Variants in MACF1 observed in about 807,000 individuals in gnomAD.
The protein encoded by MACF1 is microtubule actin crosslinking factor 1, also known as microtubule-actin cross-linking factor 1.
Under a neutral mutation model 854.8 loss-of-function variants are expected in MACF1, and 193 were observed. The ratio of observed to expected loss-of-function variants is 0.23; its 90% CI spans 0.20 to 0.25. The LOEUF is 0.25. MACF1 is among the 10% of genes least tolerant of loss of function. MACF1 has a pLI of 1.00. For synonymous variants in MACF1, 3,185 were observed against 3,226.7 expected (o/e 0.99, Z 0.44); for missense variants, 7,722 against 8,929.1 (o/e 0.86, Z 5.45).
intron 58 of MACF1, chr1:39,413,883 A>G: frequency 6.2e-7 from 1 of 1,606,286 alleles, no homozygotes; most frequent in Non-Finnish European, 8.5e-7. Flanking sequence ...CCACCCCTGC[A>G]GCTATGGTGG....
At chr1:39,210,044 T>G (rs1311967091) in intron 1 of MACF1, among the ~76,000 whole-genome samples, 1 of 150,996 alleles carries the variant, frequency 6.6e-6, no homozygotes, top group Non-Finnish European at 1.5e-5. Flanking sequence ...GAGCCAAGAT[T>G]GCACCCCTGC....
At chr1:39,094,643 G>A (rs1641893212) in intron 2 of MACF1, among the ~76,000 whole-genome samples, 1 of 152,026 alleles carries the variant, frequency 6.6e-6, no homozygotes, top group Non-Finnish European at 1.5e-5. Context: ...GCTTGAACCT[G>A]GGAGGCGGAA....
In MACF1 at chr1:39,449,547, C is replaced by T. The variant is rs61779304; in HGVS notation, c.20258+784C>T. Among the ~76,000 whole-genome samples, 20 of 151,880 alleles carry T rather than the reference C, an allele frequency of 1.3e-4. No homozygotes were observed. In the East Asian group the frequency reaches 2.7e-3, roughly 21 times the overall value. On this transcript the variant is annotated intron_variant, in intron 84 of 100. Transcript: ENST00000564288. Reference sequence around the variant, plus strand: ...CCGAGTAGCTGGGACTACAGGCACCCGCCACCACGCCTGGCTAGTTTTTTG... The same window carrying T: ...CCGAGTAGCTGGGACTACAGGCACCTGCCACCACGCCTGGCTAGTTTTTTG...
intron 15 of MACF1, among the ~76,000 whole-genome samples, chr1:39,288,974 A>C (rs1645711459): frequency 6.6e-6 from 1 of 152,210 alleles, no homozygotes; most frequent in African/African-American, 2.4e-5. Flanking sequence ...TCCCACAGCT[A>C]AGTGAGAACA....
chr1:39,245,039 G>A (rs1319702184), intron 2 of MACF1, among the ~76,000 whole-genome samples: 1 of 152,028 alleles, frequency 6.6e-6, no homozygotes, highest in Non-Finnish European at 1.5e-5. Flanking sequence ...TAGTTATTTG[G>A]TTACTATAGT....
intron 2 of MACF1, among the ~76,000 whole-genome samples, chr1:39,242,341 C>T (rs1644933699): frequency 6.8e-6 from 1 of 147,170 alleles, no homozygotes; most frequent in African/African-American, 2.5e-5. Flanking sequence ...CAGAGTGAGA[C>T]TCTGCCTCAA....
chr1:39,305,726 ACT>A (rs781481986), intron 23 of MACF1, among the ~76,000 whole-genome samples: 41 of 151,754 alleles, frequency 2.7e-4, no homozygotes, highest in Admixed American at 1.2e-3. Context: ...ATCCTCTGCT[ACT>A]CTCCTTGCTT....
At chr1:39,361,076 T>A in intron 48 of MACF1, 75 bp downstream of exon 48, 1 of 1,245,066 alleles carries the variant, frequency 8.0e-7, no homozygotes, top group Non-Finnish European at 1.2e-6. Context: ...GTTGAAAAAG[T>A]AACAAGAGGG....
chr1:39,298,410 CT>C (rs1645969504), intron 21 of MACF1, among the ~76,000 whole-genome samples: 1 of 152,110 alleles, frequency 6.6e-6, no homozygotes, highest in South Asian at 2.1e-4. Flanking sequence ...AGAAAGACTA[CT>C]TATATTTAGT....
chr1:39,249,921 A>T (rs761808756), intron 2 of MACF1, 93 bp from the exon 3 acceptor site: 3 of 643,982 alleles, frequency 4.7e-6, no homozygotes, highest in East Asian at 5.5e-5. Context: ...TAAATTCTTT[A>T]ATTTGTGTTT....
intron 2 of MACF1, among the ~76,000 whole-genome samples, chr1:39,130,799 TGAA>T (rs911524224): frequency 3.3e-5 from 5 of 152,030 alleles, no homozygotes; most frequent in African/African-American, 1.2e-4. Context: ...GGCTAAGAAG[TGAA>T]GAATTCTAAG....
Position 39,333,728 on chromosome 1 carries a change from A to G in MACF1, c.7140A>G (p.Thr2380=). 6.2e-7 allele frequency: 1 copy of G among 1,614,208 alleles called. No individual in the cohort carries two copies. The highest frequency in any genetic ancestry group is 1.1e-5 in the South Asian group (1 of 91,090). The change falls in exon 37 of 101, where the codon ACA becomes ACG. Residue 2380 remains threonine, a synonymous_variant. Coordinates refer to ENST00000564288, the MANE Select transcript of MACF1 (RefSeq NM_001394062.1). ...ISGVLDPRTQ[T]LCSVKDAVTV... ...GTGTCTTAGACCCCCGTACCCAGAC[A>G]CTGTGCTCTGTAAAGGATGCAGTTA...
At chr1:39,423,668 A>G (rs894625403) in intron 60 of MACF1, among the ~76,000 whole-genome samples, 1 of 151,938 alleles carries the variant, frequency 6.6e-6, no homozygotes, top group Non-Finnish European at 1.5e-5. Flanking sequence ...ATAATATACA[A>G]TGTGATGGTT....
At chr1:39,341,260 C>A (rs1646930122) in intron 40 of MACF1, among the ~76,000 whole-genome samples, 1 of 151,214 alleles carries the variant, frequency 6.6e-6, no homozygotes, top group African/African-American at 2.4e-5. Context: ...TTTCGAACTC[C>A]TGATCTCAGG....
At position 39,432,510 on chromosome 1, in the gene MACF1, T is replaced by G. The variant is rs762592133; in HGVS notation, c.17338-25T>G. ...GAGACTTGGCTGTATATAATTTGTTTATTTTTCTTTAATACGTCTATTAGT... is the reference window on the plus strand; with the variant it reads ...GAGACTTGGCTGTATATAATTTGTTGATTTTTCTTTAATACGTCTATTAGT... On this transcript the variant is annotated intron_variant, in intron 66 of 100. Transcript: ENST00000564288. The G allele has an allele frequency of 3.1e-6, 5 of 1,612,460 alleles. 1 individual carries two copies. The South Asian group carries it at 5.5e-5, about 18-fold the overall frequency.
chr1:39,181,610 G>A (rs1274942016), intron 2 of MACF1, among the ~76,000 whole-genome samples: 1 of 152,006 alleles, frequency 6.6e-6, no homozygotes, highest in African/African-American at 2.4e-5. Flanking sequence ...AAACAATCTT[G>A]AAAAAGAACA....
Position 39,293,520 on chromosome 1 carries a change from A to G in MACF1, c.2055A>G (p.Thr685=). The G allele has an allele frequency of 1.9e-6, 3 of 1,614,052 alleles. No homozygotes were observed. Among genetic ancestry groups the G allele is most frequent in the Non-Finnish European group, 1.7e-6 (2 of 1,179,902 alleles). ...QSLHKFVSRA[T]AELIWLNEKE... Reference sequence around the variant, plus strand: ...TGCATAAATTTGTTTCCAGAGCTACAGCTGAGTTGATCTGGTTGAATGAGA... The same window carrying G: ...TGCATAAATTTGTTTCCAGAGCTACGGCTGAGTTGATCTGGTTGAATGAGA... Residue 685 remains threonine, a synonymous_variant, in exon 18 of 101, where the codon ACA becomes ACG. Coordinates refer to ENST00000564288, the MANE Select transcript of MACF1 (RefSeq NM_001394062.1).
intron 43 of MACF1, among the ~76,000 whole-genome samples, chr1:39,351,695 T>A (rs1196131739): frequency 6.6e-6 from 1 of 150,682 alleles, no homozygotes; most frequent in East Asian, 2.0e-4. Context: ...TGAGTGATTC[T>A]CGTGCCTCAG....
At chr1:39,477,090 T>TATATATAC (rs1350608847) in intron 97 of MACF1, among the ~76,000 whole-genome samples, 10 of 26,286 alleles carry the variant, frequency 3.8e-4, no homozygotes, top group Non-Finnish European at 5.8e-4. Flanking sequence ...TATATATATA[T>TATATATAC]ACACACACAC....
Sources: allele counts gnomAD v4.1 joint callset (sites outside exome capture counted in the v4.1 genomes callset), GRCh38; gene constraint gnomAD v4.1.1; transcripts MANE v1.5; gene names NCBI Gene and HGNC (gene_info 2026-07-23, HGNC 2026-07-21).